FAT3: variants seen among roughly 807,000 people sequenced by gnomAD.
The protein encoded by FAT3 is protocadherin Fat 3.
A neutral mutation model predicts 310.2 loss-of-function variants in FAT3; 95 were observed. That is an observed-to-expected ratio of 0.31 (90% CI 0.26 to 0.36). The LOEUF is 0.36. Ranked by LOEUF, FAT3 falls within the 10% of genes least tolerant of loss-of-function variation. FAT3 has a pLI of 1.00. For synonymous variants in FAT3, 2,314 were observed against 2,192.9 expected (o/e 1.06, Z -1.54); for missense variants, 5,408 against 5,715.6 (o/e 0.95, Z 1.74).
chr11:92,654,266 T>C (rs1942493134), intron 3 of FAT3, among the ~76,000 whole-genome samples: 1 of 152,178 alleles, frequency 6.6e-6, no homozygotes, highest in African/African-American at 2.4e-5. Flanking sequence ...GGGTACAGTT[T>C]GGAAATCAGA....
intron 1 of FAT3, chr11:92,336,445 C>G (rs1033232196): frequency 2.6e-5 from 8 of 313,720 alleles, no homozygotes; most frequent in African/African-American, 4.4e-5. Flanking sequence ...CTTTGCATCA[C>G]CACTGCCGCC....
chr11:92,436,025 C>T (rs777395598), intron 2 of FAT3, among the ~76,000 whole-genome samples: 59 of 152,132 alleles, frequency 3.9e-4, no homozygotes, highest in Non-Finnish European at 7.5e-4. Flanking sequence ...TGATGATGCT[C>T]TCTCATTCAT....
At chr11:92,524,548 T>C in intron 2 of FAT3, 86 bp from the exon 3 acceptor site, 1 of 1,305,974 alleles carries the variant, frequency 7.7e-7, no homozygotes, top group South Asian at 1.5e-5. Context: ...GCCAAGATTA[T>C]TTAGTGTAGT....
At chr11:92,284,689 C>T (rs1946515759) in intron 1 of FAT3, among the ~76,000 whole-genome samples, 2 of 152,062 alleles carry the variant, frequency 1.3e-5, no homozygotes. Context: ...AGGTTGAGTA[C>T]TAAGAAGACT....
intron 3 of FAT3, among the ~76,000 whole-genome samples, chr11:92,641,085 A>T (rs561935933): frequency 3.3e-5 from 5 of 152,128 alleles, no homozygotes; most frequent in Admixed American, 3.3e-4. Context: ...AGTCCCAGCT[A>T]CTCGGGAGGC....
At chr11:92,462,023 T>G (rs191218682) in intron 2 of FAT3, among the ~76,000 whole-genome samples, 1 of 152,308 alleles carries the variant, frequency 6.6e-6, no homozygotes, top group East Asian at 1.9e-4. Flanking sequence ...AGGATCAGAA[T>G]CTCGTACTCT....
chr11:92,767,039 A>G (rs1232151563), intron 6 of FAT3, among the ~76,000 whole-genome samples: 1 of 152,154 alleles, frequency 6.6e-6, no homozygotes, highest in African/African-American at 2.4e-5. Flanking sequence ...ACTTGAGGTC[A>G]GAAGTTCGAG....
intron 2 of FAT3, among the ~76,000 whole-genome samples, chr11:92,503,521 G>C (rs61901554): frequency 6.6e-6 from 1 of 151,950 alleles, no homozygotes; most frequent in East Asian, 1.9e-4. Flanking sequence ...AGAAGAAGTT[G>C]TTACTTCCAC....
At chr11:92,652,226 A>C (rs914858685) in intron 3 of FAT3, among the ~76,000 whole-genome samples, 2 of 147,204 alleles carry the variant, frequency 1.4e-5, no homozygotes, top group African/African-American at 5.1e-5. Context: ...CCAACACCCC[A>C]CTTTTATCCG....
intron 3 of FAT3, among the ~76,000 whole-genome samples, chr11:92,610,856 G>A (rs1940530155): frequency 1.3e-5 from 2 of 152,156 alleles, no homozygotes; most frequent in African/African-American, 2.4e-5. Flanking sequence ...GGATGATTGA[G>A]TGCATAAAGA....
At position 92,799,886 on chromosome 11, in the gene FAT3, A is replaced by T. The variant is rs747670434; in HGVS notation, c.6873A>T (p.Thr2291=). Residue 2291 remains threonine, a synonymous_variant, in exon 10 of 28, where the codon ACA becomes ACT. Coordinates refer to ENST00000525166, the MANE Select transcript of FAT3 (RefSeq NM_001367949.2). Reference sequence around the variant, plus strand: ...ACCCCCCTATTTTCGATCAGCCTACATACAATACAACACTATCAGAAGCAT... The same window carrying T: ...ACCCCCCTATTTTCGATCAGCCTACTTACAATACAACACTATCAGAAGCAT... ...NDNPPIFDQP[T]YNTTLSEASL... 5.6e-6 allele frequency: 9 copies of T among 1,613,102 alleles called. No individual in the cohort carries two copies. The Admixed American group carries it at 1.3e-4, about 24-fold the overall frequency.
At chr11:92,412,724 T>C (rs111954263) in intron 2 of FAT3, among the ~76,000 whole-genome samples, 4 of 33,374 alleles carry the variant, frequency 1.2e-4, no homozygotes, top group East Asian at 7.3e-4. Context: ...TATATATATA[T>C]ATATATATAT....
intron 21 of FAT3, among the ~76,000 whole-genome samples, chr11:92,859,832 C>T (rs1362165850): frequency 1.3e-5 from 2 of 152,168 alleles, no homozygotes; most frequent in Non-Finnish European, 2.9e-5. Flanking sequence ...CCTAAAGCAG[C>T]CAGATTTATT....
At chr11:92,771,252 G>A (rs1344283494) in intron 6 of FAT3, among the ~76,000 whole-genome samples, 4 of 152,106 alleles carry the variant, frequency 2.6e-5, no homozygotes, top group East Asian at 1.9e-4. Flanking sequence ...TTGTTTAAGC[G>A]GAATGCTGCT....
At chr11:92,888,400 A>G (rs574641761) in intron 25 of FAT3, among the ~76,000 whole-genome samples, 35 of 152,268 alleles carry the variant, frequency 2.3e-4, no homozygotes, top group African/African-American at 7.9e-4. Flanking sequence ...AGCTCCAACA[A>G]TGATGCCTGG....
At chr11:92,738,974 A>C (rs1945428300) in intron 4 of FAT3, among the ~76,000 whole-genome samples, 1 of 152,190 alleles carries the variant, frequency 6.6e-6, no homozygotes, top group South Asian at 2.1e-4. Context: ...GAAGACTCAG[A>C]ACATGATGAG....
chr11:92,491,190 A>G (rs1009918809), intron 2 of FAT3, among the ~76,000 whole-genome samples: 1 of 152,092 alleles, frequency 6.6e-6, no homozygotes, highest in Non-Finnish European at 1.5e-5. Flanking sequence ...GCAAAGATTT[A>G]GCACTCAAGT....
At chr11:92,400,763 G>C (rs2134863995) in intron 2 of FAT3, 1 of 151,996 alleles carries the variant, frequency 6.6e-6, no homozygotes, top group South Asian at 2.1e-4. Context: ...AAGTTATGAA[G>C]TAAGTTGATA....
At chr11:92,648,507 A>G (rs1051732583) in intron 3 of FAT3, among the ~76,000 whole-genome samples, 1 of 152,152 alleles carries the variant, frequency 6.6e-6, no homozygotes, top group East Asian at 1.9e-4. Flanking sequence ...CTCTCCAGGG[A>G]TAGGTCCAAA....
Sources: gnomAD v4.1 joint callset for allele counts (sites outside exome capture counted in the v4.1 genomes callset) on GRCh38, gnomAD v4.1.1 for gene constraint, MANE v1.5 for transcripts, NCBI Gene and HGNC (gene_info 2026-07-23, HGNC 2026-07-21) for gene names.